The following PPP4R3A variants were observed in gnomAD, a reference collection of about 807,000 sequenced individuals.
PPP4R3A encodes the protein protein phosphatase 4 regulatory subunit 3A.
Under a neutral mutation model 91.7 loss-of-function variants are expected in PPP4R3A, and 15 were observed. That is an observed-to-expected ratio of 0.16 (90% CI 0.11 to 0.25). The LOEUF is 0.25. Among genes scored for constraint, PPP4R3A ranks in the 10% least tolerant of loss-of-function variants. The pLI is 1.00. For missense variants in PPP4R3A, 623 were observed against 998.4 expected (o/e 0.62, Z 5.07); for synonymous variants, 377 against 348.7 (o/e 1.08, Z -0.91).
chr14:91,506,932 A>G (rs1891327926), intron 1 of PPP4R3A, among the ~76,000 whole-genome samples: 2 of 152,230 alleles, frequency 1.3e-5, no homozygotes, highest in Admixed American at 6.5e-5. Context: ...TCTCCCTGCT[A>G]GATAAAAATT....
intron 11 of PPP4R3A, 129 bp downstream of exon 11, chr14:91,465,121 C>A: frequency 1.4e-6 from 1 of 690,744 alleles, no homozygotes; most frequent in Non-Finnish European, 2.1e-6. Flanking sequence ...CTCTCACAGG[C>A]TTTTAGTACT....
chr14:91,509,670 G>A lies in PPP4R3A; in HGVS notation c.-23C>T. 1 of 1,587,798 alleles carries A rather than the reference G, an allele frequency of 6.3e-7. No homozygotes were observed. Among genetic ancestry groups the A allele is most frequent in the Non-Finnish European group, 8.5e-7 (1 of 1,174,360 alleles). ...CATCGTGCCGCCCGGGAACCGGGGC[G>A]GGGGCCCCGCCAGTAGACGCCCAGG... On this transcript the variant is annotated 5_prime_UTR_variant, in exon 1 of 15. Coordinates refer to ENST00000554943, the MANE Select transcript of PPP4R3A (RefSeq NM_001366432.2).
chr14:91,489,928 C>A (rs1481645793), intron 2 of PPP4R3A, among the ~76,000 whole-genome samples: 1 of 152,238 alleles, frequency 6.6e-6, no homozygotes, highest in Non-Finnish European at 1.5e-5. Flanking sequence ...CTTTACGCAT[C>A]ACCCAATGGG....
At chr14:91,477,919 G>C (rs1416819544) in intron 4 of PPP4R3A, among the ~76,000 whole-genome samples, 1 of 151,940 alleles carries the variant, frequency 6.6e-6, no homozygotes, top group Non-Finnish European at 1.5e-5. Context: ...GAAGTGCTGG[G>C]ATTACGCACA....
Position 91,485,742 on chromosome 14 carries a change from T to TA in PPP4R3A, c.199-13dup. 1 of 1,569,286 alleles carries TA rather than the reference T, an allele frequency of 6.4e-7. No individual in the cohort carries two copies. Among genetic ancestry groups the TA allele is most frequent in the Non-Finnish European group, 8.7e-7 (1 of 1,153,956 alleles). On this transcript the variant is annotated splice_polypyrimidine_tract_variant and intron_variant, in intron 2 of 14. Transcript: ENST00000554943. The stretch of plus-strand genomic sequence containing the variant: ...ACAATCAGAGTGTCCTTTGGAGACA[T>TA]AAAAGGAGTCTGAATGATTAACATA...
Position 91,473,230 on chromosome 14 carries a change from A to G in PPP4R3A, c.1398+9T>C. ...GCTATGAAAAAGAGGGGAAATGCTC[A>G]TGGCTTACATTGGCAGTGGCTAGCA... is the stretch of plus-strand genomic sequence containing the variant. On this transcript the variant is annotated intron_variant, in intron 8 of 14. Coordinates refer to ENST00000554943, the MANE Select transcript of PPP4R3A (RefSeq NM_001366432.2). 1 of 1,613,120 alleles carries G rather than the reference A, an allele frequency of 6.2e-7. No homozygotes were observed. Among genetic ancestry groups the G allele is most frequent in the Non-Finnish European group, 8.5e-7 (1 of 1,179,572 alleles).
intron 3 of PPP4R3A, among the ~76,000 whole-genome samples, chr14:91,485,142 C>A (rs769723394): frequency 3.3e-5 from 5 of 151,894 alleles, no homozygotes; most frequent in Non-Finnish European, 7.4e-5. Flanking sequence ...GAAGATCAGT[C>A]AAGACAAAAC....
chr14:91,463,309 C>T (rs1888275627), intron 11 of PPP4R3A, among the ~76,000 whole-genome samples: 1 of 152,068 alleles, frequency 6.6e-6, no homozygotes, highest in African/African-American at 2.4e-5. Flanking sequence ...AGGTGATCTG[C>T]CTGCCTCGGC....
At chr14:91,500,617 C>T (rs886507646) in intron 1 of PPP4R3A, among the ~76,000 whole-genome samples, 5 of 152,186 alleles carry the variant, frequency 3.3e-5, no homozygotes, top group African/African-American at 1.2e-4. Context: ...TTAATAATGA[C>T]CCATAAACAC....
At chr14:91,482,980 TAC>T (rs1163003277) in intron 3 of PPP4R3A, among the ~76,000 whole-genome samples, 1 of 152,236 alleles carries the variant, frequency 6.6e-6, no homozygotes, top group East Asian at 1.9e-4. Flanking sequence ...TTTTCCTTTC[TAC>T]ACACCCTAAC....
At chr14:91,477,069 G>T in intron 4 of PPP4R3A, 83 bp from the exon 5 acceptor site, 1 of 970,086 alleles carries the variant, frequency 1.0e-6, no homozygotes, top group Non-Finnish European at 1.5e-6. Flanking sequence ...AATATACACA[G>T]CAATAACTAT....
intron 2 of PPP4R3A, 36 bp from the exon 3 acceptor site, chr14:91,485,766 T>G: frequency 1.4e-6 from 2 of 1,420,072 alleles, no homozygotes; most frequent in South Asian, 2.5e-5. Flanking sequence ...ATGATTAACA[T>G]ACACTATCAC....
chr14:91,481,480 C>T (rs189752767), intron 4 of PPP4R3A, 96 bp downstream of exon 4: 6 of 1,271,234 alleles, frequency 4.7e-6, no homozygotes, highest in Non-Finnish European at 3.2e-6. Context: ...TAACTTTATA[C>T]ATTAACAAAA....
Position 91,461,389 on chromosome 14 carries a change from T to TA in PPP4R3A, c.2382dup (p.Thr795TyrfsTer14), listed in dbSNP as rs1224494842. 1 of 1,605,908 alleles carries TA rather than the reference T, an allele frequency of 6.2e-7. No individual in the cohort carries two copies. The highest frequency in any genetic ancestry group is 8.5e-7 in the Non-Finnish European group (1 of 1,173,034). On this transcript the variant is annotated frameshift_variant, in exon 14 of 15. Transcript: ENST00000554943. LOFTEE classifies it high-confidence loss of function. ...GGGAGTCAAGAATGTACCTTTGTAG[T>TA]AATAGCTGCCGTCTGAGATGTATTT...
chr14:91,470,504 AGGCTGTACAATCACAGGCCATG>A (rs1309017651), intron 10 of PPP4R3A, among the ~76,000 whole-genome samples: 1 of 152,174 alleles, frequency 6.6e-6, no homozygotes, highest in African/African-American at 2.4e-5. Context: ...TTCAGCTTGT[AGGCTGTACAATCACAGGCCATG>A]GGCTGGATCT....
At chr14:91,471,237 A>C (rs1888811333) in intron 9 of PPP4R3A, among the ~76,000 whole-genome samples, 1 of 152,200 alleles carries the variant, frequency 6.6e-6, no homozygotes, top group Non-Finnish European at 1.5e-5. Flanking sequence ...CTATTAACTA[A>C]CTAGACCCAA....
intron 1 of PPP4R3A, among the ~76,000 whole-genome samples, chr14:91,507,623 A>G (rs569978035): frequency 1.4e-4 from 20 of 146,844 alleles, no homozygotes; most frequent in African/African-American, 5.0e-4. Context: ...TATATATACT[A>G]TTATATATAC....
At chr14:91,467,849 T>G (rs1888568736) in intron 10 of PPP4R3A, among the ~76,000 whole-genome samples, 1 of 152,216 alleles carries the variant, frequency 6.6e-6, no homozygotes, top group Non-Finnish European at 1.5e-5. Flanking sequence ...AATTGCTCAT[T>G]ACTGTCTGCA....
chr14:91,500,293 C>T (rs971557418), intron 1 of PPP4R3A, among the ~76,000 whole-genome samples: 1 of 152,230 alleles, frequency 6.6e-6, no homozygotes, highest in South Asian at 2.1e-4. Context: ...CTCCACCTCC[C>T]GGGTTCAAGT....
Sources: allele counts gnomAD v4.1 joint callset (sites outside exome capture counted in the v4.1 genomes callset), GRCh38; gene constraint gnomAD v4.1.1; transcripts MANE v1.5; gene names NCBI Gene and HGNC (gene_info 2026-07-23, HGNC 2026-07-21).